Variants in GPC4 observed in about 807,000 individuals in gnomAD.
GPC4 encodes the protein glypican 4, also known as glypican-4.
GPC4 carries 10 observed loss-of-function variants against 35.0 expected under a neutral mutation model. The ratio of observed to expected loss-of-function variants is 0.29; its 90% CI spans 0.18 to 0.48. The LOEUF is 0.48. GPC4 is among the 20% of genes least tolerant of loss of function. GPC4 has a pLI of 0.99. For synonymous variants in GPC4, 167 were observed against 170.2 expected, an observed-to-expected ratio of 0.98 and a Z score of 0.15; for missense variants, 322 against 451.3, an observed-to-expected ratio of 0.71 and a Z score of 2.60.
chrX:133,397,551 T>C (rs1279074434), intron 1 of GPC4, among the ~76,000 whole-genome samples: 2 of 106,503 alleles, frequency 1.9e-5, no homozygotes, highest in Admixed American at 2.0e-4. Flanking sequence ...AGTAAGACCT[T>C]GTCTCAAAAA....
At position 133,311,283 on chromosome X, in the gene GPC4, G is replaced by A. The variant is rs1264292701; in HGVS notation, c.852C>T (p.Leu284=). The change falls in exon 4 of 9, where the codon CTC becomes CTT. Residue 284 remains leucine, a synonymous_variant. Transcript: ENST00000370828. ...CTATGAAATTGTTCCATTCAAAATC[G>A]AGATCCCCTTGGTTGGCCAAACAGC... The part of the protein sequence containing the change: ...MRGCLANQGD[L]DFEWNNFIDA... 17 of 1,211,274 alleles carry A rather than the reference G, an allele frequency of 1.4e-5. No individual in the cohort carries two copies. In the South Asian group the frequency reaches 1.8e-4, roughly 13 times the overall value.
At position 133,304,816 on chromosome X, in the gene GPC4, A is replaced by C. The variant is rs2068283908; in HGVS notation, c.1201T>G (p.Ser401Ala). The change falls in exon 7 of 9, where the codon TCC becomes GCC. Residue 401 changes from serine (S) to alanine (A), a missense_variant. Around this residue, in one of 3 missense-constraint regions of GPC4, gnomAD observed 163 missense variants for 277.2 expected, o/e 0.59. Transcript: ENST00000370828. ...EKLKQAKKFWSSLPSNVCNDE... is the reference protein window; with the variant it reads ...EKLKQAKKFWASLPSNVCNDE... The stretch of plus-strand genomic sequence containing the variant: ...TTGCAAACGTTGCTCGGAAGGGAGG[A>C]CCAGAATTTCTTGGCCTGTTTCAGT... 1 of 1,210,597 alleles carries C rather than the reference A, an allele frequency of 8.3e-7. No individual in the cohort carries two copies. Among genetic ancestry groups the C allele is most frequent in the African/African-American group, 1.7e-5 (1 of 57,704 alleles).
At chrX:133,355,640 G>A (rs1185581949) in intron 1 of GPC4, among the ~76,000 whole-genome samples, 2 of 111,772 alleles carry the variant, frequency 1.8e-5, no homozygotes, top group Admixed American at 1.9e-4. Flanking sequence ...AGAACAAGAA[G>A]GGTCAATGAA....
chrX:133,399,849 G>T (rs2068761028), intron 1 of GPC4, among the ~76,000 whole-genome samples: 1 of 111,594 alleles, frequency 9.0e-6, no homozygotes, highest in African/African-American at 3.3e-5. Flanking sequence ...AAAATTAGCA[G>T]GGAGTGGTGG....
chrX:133,333,749 G>A (rs1431979742), intron 2 of GPC4, among the ~76,000 whole-genome samples: 3 of 112,723 alleles, frequency 2.7e-5, no homozygotes, highest in African/African-American at 9.7e-5. Flanking sequence ...GTCTTTCTCC[G>A]TACTTTCGAG....
At chrX:133,331,662 C>T (rs964357840) in intron 2 of GPC4, among the ~76,000 whole-genome samples, 27 of 109,137 alleles carry the variant, frequency 2.5e-4, no homozygotes, top group African/African-American at 9.1e-4. Context: ...ATCACAGCTA[C>T]TTGGGAGGCT....
intron 1 of GPC4, among the ~76,000 whole-genome samples, chrX:133,413,239 A>T: frequency 8.9e-6 from 1 of 111,886 alleles, no homozygotes; most frequent in Non-Finnish European, 1.9e-5. Context: ...TCCCCAAAAG[A>T]CAGGCAGCTG....
chrX:133,330,097 T>C (rs994826555), intron 2 of GPC4, among the ~76,000 whole-genome samples: 3 of 111,538 alleles, frequency 2.7e-5, no homozygotes, highest in Non-Finnish European at 5.6e-5. Context: ...CCTTAAGAGA[T>C]TGGGGCCCTT....
chrX:133,339,440 G>T, intron 1 of GPC4, 99 bp from the exon 2 acceptor site: 1 of 727,952 alleles, frequency 1.4e-6, no homozygotes, highest in Non-Finnish European at 2.0e-6. Context: ...TGAGGCTCCT[G>T]CAAAGGCCCA....
At chrX:133,359,600 C>T (rs17317322) in intron 1 of GPC4, among the ~76,000 whole-genome samples, 3,424 of 111,577 alleles carry the variant, frequency 0.031, 56 homozygotes, top group South Asian at 0.04. Flanking sequence ...CACTTAATCA[C>T]AGTCACAGGG....
intron 1 of GPC4, among the ~76,000 whole-genome samples, chrX:133,411,690 A>G (rs903201614): frequency 8.9e-6 from 1 of 111,794 alleles, no homozygotes; most frequent in Non-Finnish European, 1.9e-5. Context: ...TGCTGTCTCC[A>G]CAATGCTGAG....
intron 2 of GPC4, among the ~76,000 whole-genome samples, chrX:133,336,868 G>T (rs2068446529): frequency 9.1e-6 from 1 of 110,313 alleles, no homozygotes; most frequent in Admixed American, 9.7e-5. Flanking sequence ...GCCTAGGCTG[G>T]AGTGCAGTGG....
At position 133,320,624 on chromosome X, in the gene GPC4, C is replaced by CA. The variant is rs11329655; in HGVS notation, c.711+3520dup. 7.1e-3 allele frequency among the ~76,000 whole-genome samples: 268 copies of CA among 37,594 alleles called. 4 individuals carry two copies. Among genetic ancestry groups the CA allele is most frequent in the Admixed American group, 0.016 (41 of 2,635 alleles). 32.6% of individuals were successfully genotyped at this position (37,594 alleles called of 115,157 possible). On this transcript the variant is annotated intron_variant, in intron 3 of 8. Coordinates refer to ENST00000370828, the MANE Select transcript of GPC4 (RefSeq NM_001448.3). ...GGGCAGCAAGAGCAAAACTCTGTCTCAAAAAAAAAAAAAAAAAAAAAAGTA... is the reference window on the plus strand; with the variant it reads ...GGGCAGCAAGAGCAAAACTCTGTCTCAAAAAAAAAAAAAAAAAAAAAAAGTA...
intron 2 of GPC4, among the ~76,000 whole-genome samples, chrX:133,331,619 A>G (rs1008811592): frequency 1.8e-5 from 2 of 110,993 alleles, no homozygotes; most frequent in Admixed American, 1.9e-4. Context: ...TAAAAATACA[A>G]AAATTAGCCA....
chrX:133,372,969 T>C (rs1308670777), intron 1 of GPC4, among the ~76,000 whole-genome samples: 1 of 111,582 alleles, frequency 9.0e-6, no homozygotes, highest in Non-Finnish European at 1.9e-5. Flanking sequence ...TCAGGCCCAC[T>C]GTTATGGCAA....
At chrX:133,383,410 A>G (rs1348525790) in intron 1 of GPC4, among the ~76,000 whole-genome samples, 1 of 111,435 alleles carries the variant, frequency 9.0e-6, no homozygotes, top group Non-Finnish European at 1.9e-5. Flanking sequence ...AGTGGTTGCC[A>G]GGAGTTGATG....
At chrX:133,413,795 G>A (rs1390862925) in intron 1 of GPC4, among the ~76,000 whole-genome samples, 1 of 112,233 alleles carries the variant, frequency 8.9e-6, no homozygotes, top group South Asian at 3.7e-4. Flanking sequence ...GTGCGACCCG[G>A]AGGGGACCCG....
intron 1 of GPC4, among the ~76,000 whole-genome samples, chrX:133,353,521 A>G (rs1372806380): frequency 9.0e-6 from 1 of 111,503 alleles, no homozygotes; most frequent in African/African-American, 3.3e-5. Flanking sequence ...TGCCCTCTCT[A>G]ACTCTTTTTG....
At chrX:133,400,458 A>G (rs2068763760) in intron 1 of GPC4, among the ~76,000 whole-genome samples, 1 of 112,774 alleles carries the variant, frequency 8.9e-6, no homozygotes, top group African/African-American at 3.2e-5. Flanking sequence ...ACCAATTTTC[A>G]GAATTATTGA....
Sources: gnomAD v4.1 joint callset for allele counts (sites outside exome capture counted in the v4.1 genomes callset) on GRCh38, gnomAD v4.1.1 for gene constraint, gnomAD v4.1.1 regional missense constraint, MANE v1.5 for transcripts, NCBI Gene and HGNC (gene_info 2026-07-23, HGNC 2026-07-21) for gene names.